PKHD1: variants seen among roughly 807,000 people sequenced by gnomAD.
PKHD1 encodes the protein fibrocystin.
Under a neutral mutation model 412.0 loss-of-function variants are expected in PKHD1, and 291 were observed. The ratio of observed to expected loss-of-function variants is 0.71; its 90% CI spans 0.64 to 0.78. PKHD1 has a LOEUF of 0.78. Among genes scored for constraint, PKHD1 ranks in the 30% least tolerant of loss-of-function variants. PKHD1 has a pLI of 0.00. For synonymous variants in PKHD1, 1,777 were observed against 1,821.5 expected (o/e 0.98, Z 0.62); for missense variants, 4,825 against 4,950.7 (o/e 0.97, Z 0.76).
intron 35 of PKHD1, among the ~76,000 whole-genome samples, chr6:51,986,196 C>T (rs2128052346): frequency 6.6e-6 from 1 of 152,178 alleles, no homozygotes; most frequent in East Asian, 1.9e-4. Context: ...ATATTCAGAC[C>T]TGTCGTGGAG....
intron 63 of PKHD1, among the ~76,000 whole-genome samples, chr6:51,642,452 G>C (rs1769491440): frequency 6.6e-6 from 1 of 152,182 alleles, no homozygotes; most frequent in Non-Finnish European, 1.5e-5. Flanking sequence ...ATAAGGCATG[G>C]AGTATGTGTA....
Position 51,748,528 on chromosome 6 carries a change from C to G in PKHD1, c.9088G>C (p.Ala3030Pro), listed in dbSNP as rs754490916. 1 of 1,613,854 alleles carries G rather than the reference C, an allele frequency of 6.2e-7. No individual in the cohort carries two copies. The highest frequency in any genetic ancestry group is 1.1e-5 in the South Asian group (1 of 91,064). ...LHQSCGGGIH[A>P]AASHGVLLND... The stretch of plus-strand genomic sequence containing the variant: ...AAAAGTACTCCATGACTGGCAGCTG[C>G]ATGAATGCCCCCGCCACAGCTCTGG... Residue 3030 changes from alanine to proline, a missense_variant, in exon 58 of 67, where the codon GCA (alanine) becomes CCA (proline). Ala to Pro is a conservative substitution (Grantham distance 27, BLOSUM62 -1). Coordinates refer to ENST00000371117, the MANE Select transcript of PKHD1 (RefSeq NM_138694.4).
intron 49 of PKHD1, among the ~76,000 whole-genome samples, chr6:51,852,071 T>C (rs747678809): frequency 6.6e-6 from 1 of 152,164 alleles, no homozygotes; most frequent in Non-Finnish European, 1.5e-5. Context: ...TTAACACTAC[T>C]TTAGCTGTGT....
rs773044015 is a variant in PKHD1 at position 51,619,388 on chromosome 6, G to A, written c.11918C>T (p.Thr3973Ile). The A allele has an allele frequency of 2.0e-5, 33 of 1,613,714 alleles. No individual in the cohort carries two copies. Among genetic ancestry groups the A allele is most frequent in the Non-Finnish European group, 2.6e-5 (31 of 1,179,704 alleles). The stretch of plus-strand genomic sequence containing the variant: ...GATGTGCCCATGGGATGTGATGCCA[G>A]TAGTACCAGGAGCAGGCACAGCAGC... ...EEAAVPAPGT[T>I]GITSHGHICA... Residue 3973 changes from threonine (T) to isoleucine (I), a missense_variant, in exon 67 of 67, where the codon ACT becomes ATT. By Grantham distance (89) the Thr-to-Ile change is moderately conservative. Transcript: ENST00000371117.
intron 55 of PKHD1, among the ~76,000 whole-genome samples, chr6:51,759,579 A>G (rs1195575374): frequency 6.6e-6 from 1 of 152,124 alleles, no homozygotes; most frequent in Non-Finnish European, 1.5e-5. Flanking sequence ...GAAGTAAAAA[A>G]GTAGAGGAGG....
At chr6:51,972,205 A>G (rs1793773666) in intron 35 of PKHD1, among the ~76,000 whole-genome samples, 1 of 152,166 alleles carries the variant, frequency 6.6e-6, no homozygotes, top group Non-Finnish European at 1.5e-5. Context: ...AACAAGTTTC[A>G]GGGAAAAACC....
chr6:51,897,067 G>C (rs893821236), intron 43 of PKHD1, among the ~76,000 whole-genome samples: 1 of 151,360 alleles, frequency 6.6e-6, no homozygotes, highest in African/African-American at 2.4e-5. Flanking sequence ...GGGGAGAATG[G>C]AACCAAGTTG....
Position 51,934,109 on chromosome 6 carries a change from C to T in PKHD1, c.6121+1G>A. On this transcript the variant is annotated splice_donor_variant, in intron 37 of 66. Transcript: ENST00000371117. LOFTEE classifies it high-confidence loss of function. Reference sequence around the variant, plus strand: ...TTCCTCTGATCAATTGCCTCACTCACCGTGCAGAGAAAGAGTTCCATTCCT... The same window carrying T: ...TTCCTCTGATCAATTGCCTCACTCATCGTGCAGAGAAAGAGTTCCATTCCT... 6.2e-7 allele frequency: 1 copy of T among 1,606,134 alleles called. No individual in the cohort carries two copies. Among genetic ancestry groups the T allele is most frequent in the Non-Finnish European group, 8.5e-7 (1 of 1,172,660 alleles).
intron 60 of PKHD1, among the ~76,000 whole-genome samples, chr6:51,714,952 T>A (rs1428984322): frequency 6.6e-6 from 1 of 152,058 alleles, no homozygotes; most frequent in African/African-American, 2.4e-5. Flanking sequence ...ATTTTCACAA[T>A]TATTTCCAAT....
intron 14 of PKHD1, among the ~76,000 whole-genome samples, chr6:52,062,187 T>C (rs1481429714): frequency 6.6e-6 from 1 of 152,212 alleles, no homozygotes; most frequent in Non-Finnish European, 1.5e-5. Context: ...CAGATGTTAG[T>C]TTTACCTCTT....
chr6:51,979,413 T>C (rs953736294), intron 35 of PKHD1, among the ~76,000 whole-genome samples: 1 of 152,178 alleles, frequency 6.6e-6, no homozygotes, highest in Non-Finnish European at 1.5e-5. Context: ...TGGACGACCA[T>C]TGATTGCAAC....
chr6:51,642,390 A>G (rs1286292012), intron 63 of PKHD1, among the ~76,000 whole-genome samples: 1 of 152,180 alleles, frequency 6.6e-6, no homozygotes, highest in African/African-American at 2.4e-5. Context: ...GAGAATGTGT[A>G]AAGTATGGAA....
intron 53 of PKHD1, among the ~76,000 whole-genome samples, chr6:51,777,426 T>C (rs1298842440): frequency 6.6e-6 from 1 of 152,102 alleles, no homozygotes; most frequent in Admixed American, 6.6e-5. Context: ...AGCAAGCCTA[T>C]GTATTTCCAA....
intron 55 of PKHD1, among the ~76,000 whole-genome samples, chr6:51,769,961 T>A (rs186785856): frequency 6.6e-6 from 1 of 151,748 alleles, no homozygotes; most frequent in Admixed American, 6.6e-5. Flanking sequence ...TGGTTTATAT[T>A]TTATTTTAAT....
At chr6:51,634,720 G>GA (rs1441711254) in intron 64 of PKHD1, among the ~76,000 whole-genome samples, 4 of 152,278 alleles carry the variant, frequency 2.6e-5, no homozygotes, top group African/African-American at 7.2e-5. Context: ...TATCTGAGGG[G>GA]ACTCTGAAGG....
chr6:51,639,074 A>T (rs1404500855), intron 63 of PKHD1, 118 bp from the exon 64 acceptor site: 1 of 784,022 alleles, frequency 1.3e-6, no homozygotes, highest in Non-Finnish European at 2.3e-6. Context: ...AAACTCAAAG[A>T]GGTTACCTAA....
At chr6:51,905,187 A>G (rs1405618500) in intron 41 of PKHD1, among the ~76,000 whole-genome samples, 2 of 152,196 alleles carry the variant, frequency 1.3e-5, no homozygotes, top group African/African-American at 4.8e-5. Context: ...TCTCACTTTC[A>G]GTGAAAACCT....
intron 60 of PKHD1, among the ~76,000 whole-genome samples, chr6:51,700,319 G>A (rs773324673): frequency 1.3e-5 from 2 of 152,058 alleles, no homozygotes; most frequent in Non-Finnish European, 2.9e-5. Context: ...AATGGAGAGA[G>A]TATTTGAATG....
chr6:51,880,931 A>T (rs1380289613), intron 46 of PKHD1, among the ~76,000 whole-genome samples: 3 of 148,992 alleles, frequency 2.0e-5, no homozygotes, highest in Non-Finnish European at 4.5e-5. Context: ...GCGCCACTGC[A>T]CTCCAGCCTG....
Sources: allele counts gnomAD v4.1 joint callset (sites outside exome capture counted in the v4.1 genomes callset), GRCh38; gene constraint gnomAD v4.1.1; transcripts MANE v1.5; gene names NCBI Gene and HGNC (gene_info 2026-07-23, HGNC 2026-07-21).